The following SERGEF variants were observed in gnomAD, a reference collection of about 807,000 sequenced individuals.
SERGEF encodes secretion-regulating guanine nucleotide exchange factor.
A neutral mutation model predicts 50.0 loss-of-function variants in SERGEF; 51 were observed. The ratio of observed to expected loss-of-function variants is 1.02; its 90% confidence interval spans 0.81 to 1.29. The LOEUF is 1.29. Among genes scored for constraint, SERGEF ranks in the 50% most tolerant of loss-of-function variants. The pLI is 0.00. For synonymous variants in SERGEF, 205 were observed against 212.4 expected, an observed-to-expected ratio of 0.97 and a Z score of 0.30; for missense variants, 521 against 557.0, an observed-to-expected ratio of 0.94 and a Z score of 0.65.
chr11:17,792,859 T>A lies in SERGEF; in HGVS notation c.1049-4446A>T, dbSNP rs147520231. Among the ~76,000 whole-genome samples the A allele has an allele frequency of 1.9e-3, 286 of 152,328 alleles. 1 individual carries two copies. Among genetic ancestry groups the A allele is most frequent in the African/African-American group, 6.1e-3 (254 of 41,560 alleles). ...GGGGCAGATAGGAAATACTTTAGGTTTGAGGGCCATGTTAGGTCTCTGTCA... is the reference window on the plus strand; with the variant it reads ...GGGGCAGATAGGAAATACTTTAGGTATGAGGGCCATGTTAGGTCTCTGTCA... On this transcript the variant is annotated intron_variant, in intron 10 of 10. Transcript: ENST00000265965.
chr11:17,806,425 G>A (rs1442353357), intron 10 of SERGEF, among the ~76,000 whole-genome samples: 2 of 152,108 alleles, frequency 1.3e-5, no homozygotes, highest in Admixed American at 1.3e-4. Flanking sequence ...CCCACAATAA[G>A]CCAAGAGGGC....
At chr11:17,992,806 T>C in intron 7 of SERGEF, 125 bp downstream of exon 7, 2 of 805,282 alleles carry the variant, frequency 2.5e-6, no homozygotes, top group East Asian at 2.6e-5. Context: ...AGCATACCAG[T>C]GGTAGCATCA....
Position 17,815,837 on chromosome 11 carries a change from G to A in SERGEF, c.1049-27424C>T, listed in dbSNP as rs1157567230. On this transcript the variant is annotated intron_variant, in intron 10 of 10. Transcript: ENST00000265965. The stretch of plus-strand genomic sequence containing the variant: ...CTCGGGAGGCTGAGGCAGGAGAATC[G>A]CTTGAACCCAGGAGGCAGAGGTTGC... Among the ~76,000 whole-genome samples the A allele has an allele frequency of 2.6e-4, 39 of 151,914 alleles. 1 individual carries two copies. The highest frequency in any genetic ancestry group is 2.5e-3 in the Admixed American group (38 of 15,248).
intron 10 of SERGEF, among the ~76,000 whole-genome samples, chr11:17,854,257 G>A (rs981259136): frequency 2.6e-5 from 4 of 152,050 alleles, no homozygotes; most frequent in Admixed American, 6.6e-5. Flanking sequence ...CCAACTCCCC[G>A]ACTTCTCTAC....
intron 9 of SERGEF, among the ~76,000 whole-genome samples, chr11:17,895,249 G>T (rs1181312376): frequency 6.6e-6 from 1 of 152,214 alleles, no homozygotes; most frequent in East Asian, 1.9e-4. Flanking sequence ...ACGTATTGAG[G>T]CCAGGTCCTA....
At chr11:17,997,442 T>C (rs1230203045) in intron 5 of SERGEF, among the ~76,000 whole-genome samples, 1 of 152,210 alleles carries the variant, frequency 6.6e-6, no homozygotes, top group African/African-American at 2.4e-5. Context: ...AACAAAATGG[T>C]ACAACCTCTG....
intron 1 of SERGEF, among the ~76,000 whole-genome samples, chr11:18,010,566 T>G (rs913934772): frequency 2.0e-5 from 3 of 152,234 alleles, no homozygotes; most frequent in African/African-American, 7.2e-5. Context: ...AGCCCAGAGC[T>G]TACCTGACAG....
At chr11:17,798,014 G>A (rs1004435620) in intron 10 of SERGEF, among the ~76,000 whole-genome samples, 8 of 152,128 alleles carry the variant, frequency 5.3e-5, no homozygotes, top group African/African-American at 1.9e-4. Flanking sequence ...TGTGGATATG[G>A]AAGTGTGTAA....
intron 10 of SERGEF, among the ~76,000 whole-genome samples, chr11:17,847,637 C>T (rs1330369413): frequency 2.6e-5 from 4 of 152,190 alleles, no homozygotes; most frequent in Non-Finnish European, 5.9e-5. Flanking sequence ...TGGCCTGTTG[C>T]TCCACATGCC....
intron 10 of SERGEF, among the ~76,000 whole-genome samples, chr11:17,818,751 T>G (rs1850023503): frequency 6.6e-6 from 1 of 152,178 alleles, no homozygotes; most frequent in Non-Finnish European, 1.5e-5. Context: ...GCCCCTGATT[T>G]CCCCTGCCTA....
At chr11:17,909,434 C>T (rs1344702769) in intron 9 of SERGEF, among the ~76,000 whole-genome samples, 3 of 152,154 alleles carry the variant, frequency 2.0e-5, no homozygotes, top group African/African-American at 7.2e-5. Context: ...TATGAGGAAC[C>T]TGATATGTTA....
chr11:17,810,313 ATC>A (rs543533493), intron 10 of SERGEF, among the ~76,000 whole-genome samples: 18 of 152,238 alleles, frequency 1.2e-4, no homozygotes, highest in Admixed American at 1.1e-3. Flanking sequence ...TCAGCCTGGG[ATC>A]TGTCTATCCT....
At chr11:17,807,852 T>C (rs1849791427) in intron 10 of SERGEF, among the ~76,000 whole-genome samples, 2 of 152,192 alleles carry the variant, frequency 1.3e-5, no homozygotes, top group Admixed American at 1.3e-4. Flanking sequence ...AGCCTAGCTA[T>C]ATGGCAGCCA....
In SERGEF at chr11:17,932,600, G is replaced by C. The variant is rs182964897; in HGVS notation, c.1011+26870C>G. On this transcript the variant is annotated intron_variant, in intron 9 of 10. Transcript: ENST00000265965. ...GGAGGATCAGCCCTAAGAGGAGAAA[G>C]GAGCCATAGAAGGAGAAAGGAGGTA... 3.0e-4 allele frequency among the ~76,000 whole-genome samples: 45 copies of C among 152,264 alleles called. No individual in the cohort carries two copies. In the East Asian group the frequency reaches 8.5e-3, roughly 29 times the overall value.
At chr11:17,832,959 T>G (rs1477159411) in intron 10 of SERGEF, among the ~76,000 whole-genome samples, 1 of 152,180 alleles carries the variant, frequency 6.6e-6, no homozygotes, top group Non-Finnish European at 1.5e-5. Context: ...GGAAAACACC[T>G]GACATTTTCC....
intron 9 of SERGEF, among the ~76,000 whole-genome samples, chr11:17,896,015 A>C (rs1173416683): frequency 6.6e-6 from 1 of 152,218 alleles, no homozygotes; most frequent in Non-Finnish European, 1.5e-5. Context: ...ATTACTTTCA[A>C]TAACTTGTCA....
chr11:17,852,503 C>G (rs569363977), intron 10 of SERGEF, among the ~76,000 whole-genome samples: 1 of 152,174 alleles, frequency 6.6e-6, no homozygotes, highest in South Asian at 2.1e-4. Context: ...CACCCCACTT[C>G]ACCCCCTCCA....
rs755779173 is a variant in SERGEF, at chr11:18,006,587, T to C, written c.352+4A>G. ...GACAAAAATCTACCTAGGAGTGAACTCACCTGTGAGCATAATCGTAAAATC... is the reference window on the plus strand; with the variant it reads ...GACAAAAATCTACCTAGGAGTGAACCCACCTGTGAGCATAATCGTAAAATC... On this transcript the variant is annotated splice_donor_region_variant and intron_variant, in intron 3 of 10. Transcript: ENST00000265965. 43 of 1,613,094 alleles carry C rather than the reference T, an allele frequency of 2.7e-5. No individual in the cohort carries two copies. The South Asian group carries it at 4.7e-4, about 18-fold the overall frequency.
chr11:17,880,438 T>A (rs80274098), intron 9 of SERGEF, among the ~76,000 whole-genome samples: 4,145 of 152,246 alleles, frequency 0.027, 227 homozygotes, highest in East Asian at 0.2. Flanking sequence ...TCTGATGGAC[T>A]AATATGCAGC....
Sources: allele counts gnomAD v4.1 joint callset (sites outside exome capture counted in the v4.1 genomes callset), GRCh38; gene constraint gnomAD v4.1.1; transcripts MANE v1.5; gene names NCBI Gene and HGNC (gene_info 2026-07-23, HGNC 2026-07-21).